CTIF: variants seen among roughly 807,000 people sequenced by gnomAD.
CTIF encodes the protein cap binding complex dependent translation initiation factor.
CTIF carries 21 observed loss-of-function variants against 66.0 expected under a neutral mutation model. The ratio of observed to expected loss-of-function variants is 0.32; its 90% CI spans 0.23 to 0.46. CTIF has a LOEUF of 0.46. CTIF is among the 20% of genes least tolerant of loss of function. The probability of loss-of-function intolerance (pLI) is 1.00; values close to 1 mark genes in which losing one functional copy is unlikely to be tolerated. For synonymous variants in CTIF, 345 were observed against 326.4 expected, an observed-to-expected ratio of 1.06 and a Z score of -0.62; for missense variants, 739 against 812.7, an observed-to-expected ratio of 0.91 and a Z score of 1.10.
intron 1 of CTIF, among the ~76,000 whole-genome samples, chr18:48,616,997 C>T (rs905726011): frequency 3.3e-5 from 5 of 152,242 alleles, no homozygotes; most frequent in African/African-American, 1.2e-4. Flanking sequence ...TCTCACAGTT[C>T]TGTAAGTCAG....
At position 48,626,656 on chromosome 18, in the gene CTIF, G is replaced by GCT. The variant is rs373460550; in HGVS notation, c.180+6911_180+6912insCT. 6.1e-4 allele frequency among the ~76,000 whole-genome samples: 66 copies of GCT among 108,058 alleles called. 2 individuals carry two copies. The highest frequency in any genetic ancestry group is 7.0e-4 in the Non-Finnish European group (38 of 54,206). 70.9% of individuals were successfully genotyped at this position (108,058 alleles called of 152,430 possible). On this transcript the variant is annotated intron_variant, in intron 2 of 11. Coordinates refer to ENST00000256413, the MANE Select transcript of CTIF (RefSeq NM_014772.3). ...CACCGCACCTGGCCGTTTTTTTTTT[G>GCT]TTTTTTTTTTTTTTTTGAGACAAAG...
At chr18:48,587,400 C>T (rs1253419460) in intron 1 of CTIF, among the ~76,000 whole-genome samples, 5 of 151,750 alleles carry the variant, frequency 3.3e-5, no homozygotes, top group Non-Finnish European at 7.4e-5. Flanking sequence ...AAAATAATAA[C>T]GAAAACTCCA....
chr18:48,804,712 C>T (rs2068108979), intron 9 of CTIF, among the ~76,000 whole-genome samples: 1 of 152,148 alleles, frequency 6.6e-6, no homozygotes, highest in African/African-American at 2.4e-5. Context: ...CGATGCTGCC[C>T]TAGGTGGGTG....
chr18:48,656,152 A>C (rs900578983), intron 3 of CTIF, among the ~76,000 whole-genome samples: 5 of 152,244 alleles, frequency 3.3e-5, no homozygotes, highest in African/African-American at 4.8e-5. Context: ...AATCATTAAC[A>C]AAGATAGGTG....
At chr18:48,766,642 C>T (rs183525109) in intron 9 of CTIF, among the ~76,000 whole-genome samples, 87 of 152,344 alleles carry the variant, frequency 5.7e-4, no homozygotes, top group African/African-American at 2.0e-3. Context: ...TGGTTCATCG[C>T]GGCCACTTAT....
intron 3 of CTIF, among the ~76,000 whole-genome samples, chr18:48,656,806 G>A (rs73958903): frequency 3.9e-5 from 6 of 152,182 alleles, no homozygotes; most frequent in South Asian, 2.1e-4. Flanking sequence ...CAGCAACCGG[G>A]GGGGCAGGGC....
chr18:48,630,965 C>G (rs1289250431), intron 2 of CTIF, among the ~76,000 whole-genome samples: 1 of 152,180 alleles, frequency 6.6e-6, no homozygotes, highest in Non-Finnish European at 1.5e-5. Context: ...GCATGAGCCA[C>G]CGCACCCAGC....
rs368684997 is a variant in CTIF at position 48,670,710 on chromosome 18, T to A, written c.473T>A (p.Leu158Gln). The A allele has an allele frequency of 6.2e-7, 1 of 1,614,136 alleles. No individual in the cohort carries two copies. ...GKLEDGDGINLNDIEKVLPAW... is the reference protein window; with the variant it reads ...GKLEDGDGINQNDIEKVLPAW... ...CTGGAAGATGGGGATGGCATCAACC[T>A]GAATGACATCGAGAAGGTCCTTCCA... Residue 158 changes from leucine (L) to glutamine (Q), a missense_variant, in exon 6 of 12, where the codon CTG becomes CAG. Leu to Gln is a moderately radical substitution (Grantham distance 113). Coordinates refer to ENST00000256413, the MANE Select transcript of CTIF (RefSeq NM_014772.3).
chr18:48,558,572 T>C (rs1248461347), intron 1 of CTIF, among the ~76,000 whole-genome samples: 1 of 152,262 alleles, frequency 6.6e-6, no homozygotes, highest in Non-Finnish European at 1.5e-5. Context: ...ATAATTGTAA[T>C]TTCGAGTCAC....
At chr18:48,805,443 C>G (rs899130701) in intron 9 of CTIF, among the ~76,000 whole-genome samples, 2 of 152,018 alleles carry the variant, frequency 1.3e-5, no homozygotes, top group Non-Finnish European at 2.9e-5. Context: ...GGGATTGCAA[C>G]TAGCCTCAGC....
intron 1 of CTIF, among the ~76,000 whole-genome samples, chr18:48,582,161 G>C (rs1174791644): frequency 6.6e-6 from 1 of 152,100 alleles, no homozygotes; most frequent in Non-Finnish European, 1.5e-5. Flanking sequence ...CCTCTGGCCA[G>C]CAAGGAAGCA....
chr18:48,675,044 G>A (rs1389214747), intron 6 of CTIF, among the ~76,000 whole-genome samples: 2 of 151,452 alleles, frequency 1.3e-5, no homozygotes, highest in South Asian at 2.1e-4. Context: ...GGGGTGGTGG[G>A]GGGTCGGCGG....
At chr18:48,657,734 A>G (rs2144838602) in intron 3 of CTIF, among the ~76,000 whole-genome samples, 1 of 152,290 alleles carries the variant, frequency 6.6e-6, no homozygotes, top group South Asian at 2.1e-4. Flanking sequence ...AGGAAGACTC[A>G]TGGGAGTGGG....
At chr18:48,576,735 A>AG (rs1356525224) in intron 1 of CTIF, among the ~76,000 whole-genome samples, 9 of 152,248 alleles carry the variant, frequency 5.9e-5, no homozygotes, top group Non-Finnish European at 1.3e-4. Flanking sequence ...AAAAGGACGC[A>AG]GGGAGGATTC....
At chr18:48,547,695 C>A (rs1000337348) in intron 1 of CTIF, among the ~76,000 whole-genome samples, 1 of 152,206 alleles carries the variant, frequency 6.6e-6, no homozygotes, top group Non-Finnish European at 1.5e-5. Context: ...ATCCTGCTTG[C>A]TTCTGCTGGA....
intron 1 of CTIF, among the ~76,000 whole-genome samples, chr18:48,575,605 C>G (rs1226106421): frequency 1.3e-5 from 2 of 152,216 alleles, no homozygotes; most frequent in Admixed American, 6.5e-5. Flanking sequence ...CTATGCACCC[C>G]CATTGAGAGG....
intron 5 of CTIF, among the ~76,000 whole-genome samples, chr18:48,669,821 A>ATG (rs2091498446): frequency 8.5e-6 from 1 of 117,454 alleles, no homozygotes; most frequent in African/African-American, 3.3e-5. Context: ...ATATATATAT[A>ATG]TATATATATA....
Position 48,594,133 on chromosome 18 carries a change from G to A in CTIF, c.-28-25405G>A, listed in dbSNP as rs571171908. 4.0e-5 allele frequency among the ~76,000 whole-genome samples: 6 copies of A among 151,132 alleles called. No individual in the cohort carries two copies. The East Asian group carries it at 7.9e-4, about 20-fold the overall frequency. On this transcript the variant is annotated intron_variant, in intron 1 of 11. Transcript: ENST00000256413. ...GACAGTTTCTTTGGTGTCGTGAACT[G>A]TGGCTGCAGTCTGGCCTACCCTTTT...
chr18:48,644,109 G>A (rs1012450759), intron 3 of CTIF, among the ~76,000 whole-genome samples: 10 of 152,248 alleles, frequency 6.6e-5, no homozygotes, highest in Middle Eastern at 3.4e-3. Flanking sequence ...CTCAGCAGCC[G>A]AGCACGGCAA....
Sources: gnomAD v4.1 joint callset for allele counts (sites outside exome capture counted in the v4.1 genomes callset) on GRCh38, gnomAD v4.1.1 for gene constraint, MANE v1.5 for transcripts, NCBI Gene and HGNC (gene_info 2026-07-23, HGNC 2026-07-21) for gene names.